Variants in SPAG5 observed in about 807,000 individuals in gnomAD.
The protein encoded by SPAG5 is sperm associated antigen 5, also known as sperm-associated antigen 5.
Under a neutral mutation model 145.4 loss-of-function variants are expected in SPAG5, and 99 were observed. That is an observed-to-expected ratio of 0.68 (90% confidence interval 0.58 to 0.80). The LOEUF is 0.80. Among genes scored for constraint, SPAG5 ranks in the 30% least tolerant of loss-of-function variants. The pLI is 0.00. For synonymous variants in SPAG5, 477 were observed against 525.4 expected (o/e 0.91, Z 1.26); for missense variants, 1,192 against 1,416.0 (o/e 0.84, Z 2.54).
chr17:28,587,156 G>A (rs1351574476), intron 4 of SPAG5, among the ~76,000 whole-genome samples: 1 of 151,266 alleles, frequency 6.6e-6, no homozygotes, highest in Non-Finnish European at 1.5e-5. Flanking sequence ...ACTCATGCCT[G>A]TAATCCCAGC....
chr17:28,583,900 C>T lies in SPAG5; in HGVS notation c.2499G>A (p.Glu833=), dbSNP rs745850714. 6.2e-7 allele frequency: 1 copy of T among 1,614,196 alleles called. No individual in the cohort carries two copies. The highest frequency in any genetic ancestry group is 8.5e-7 in the Non-Finnish European group (1 of 1,180,026). ...TGAGGTTCTCACACTGCAAGCTGCG[C>T]TCCCGGAGCACTTCCAGTGTGGTTT... ...QLKTTLEVLR[E]RSLQCENLKD... is the part of the protein sequence containing the mutation. Residue 833 remains glutamate (E), a synonymous_variant, in exon 14 of 24, where the codon GAG becomes GAA. Coordinates refer to ENST00000321765, the MANE Select transcript of SPAG5 (RefSeq NM_006461.4).
At chr17:28,584,588 A>G in intron 11 of SPAG5, 64 bp downstream of exon 11, 1 of 1,600,212 alleles carries the variant, frequency 6.2e-7, no homozygotes, top group South Asian at 1.1e-5. Context: ...CTAGTGCCAC[A>G]CTCCAAGCCT....
At chr17:28,589,102 A>ATT (rs764519139) in intron 4 of SPAG5, among the ~76,000 whole-genome samples, 3 of 146,054 alleles carry the variant, frequency 2.1e-5, no homozygotes, top group Non-Finnish European at 4.5e-5. Context: ...ATTTAAAATA[A>ATT]TTTTTTTTTT....
chr17:28,590,944 G>A (rs1228027071), intron 4 of SPAG5, among the ~76,000 whole-genome samples: 1 of 151,454 alleles, frequency 6.6e-6, no homozygotes, highest in Admixed American at 6.6e-5. Flanking sequence ...TGCTTGAGGG[G>A]ACAGATACAG....
At position 28,598,559 on chromosome 17, in the gene SPAG5, G is replaced by C. The variant is rs1473193251; in HGVS notation, c.128C>G (p.Ser43Cys). 1.2e-6 allele frequency: 2 copies of C among 1,613,926 alleles called. No homozygotes were observed. Among genetic ancestry groups the C allele is most frequent in the Non-Finnish European group, 8.5e-7 (1 of 1,179,936 alleles). ...PGALTNSGKR[S>C]PACSSLTPSL... ...TGGGGTCAGCGAGGAGCAAGCGGGGGATCTTTTTCCAGAGTTGGTGAGGGC... is the reference window on the plus strand; with the variant it reads ...TGGGGTCAGCGAGGAGCAAGCGGGGCATCTTTTTCCAGAGTTGGTGAGGGC... The change falls in exon 2 of 24, where the codon TCC becomes TGC. Residue 43 changes from serine (S) to cysteine (C), a missense_variant. By Grantham distance (112) the Ser-to-Cys change is moderately radical. Coordinates refer to ENST00000321765, the MANE Select transcript of SPAG5 (RefSeq NM_006461.4).
At chr17:28,583,448 G>C in intron 15 of SPAG5, 63 bp downstream of exon 15, 1 of 1,480,802 alleles carries the variant, frequency 6.8e-7, no homozygotes, top group Non-Finnish European at 9.0e-7. Flanking sequence ...TAATGTTTTA[G>C]GAAGACTATC....
In SPAG5 at chr17:28,593,002, T is replaced by C. The variant is rs755012328; in HGVS notation, c.242A>G (p.Glu81Gly). ...CCACTTTGAGGAATGACTGAAATGT[T>C]CTGAAGATAAGTCTGTCCTCTTGTT... ...VNNKRTDLSS[E>G]HFSHSSKWLE... Residue 81 changes from glutamate to glycine, a missense_variant, in exon 3 of 24, where the codon GAA (glutamate) becomes GGA (glycine). By Grantham distance (98) the Glu-to-Gly change is moderately conservative. Coordinates refer to ENST00000321765, the MANE Select transcript of SPAG5 (RefSeq NM_006461.4). The C allele has an allele frequency of 6.2e-7, 1 of 1,614,232 alleles. No homozygotes were observed. The highest frequency in any genetic ancestry group is 1.6e-4 in the Middle Eastern group (1 of 6,062).
chr17:28,589,095 T>G (rs1301869449), intron 4 of SPAG5, among the ~76,000 whole-genome samples: 2 of 152,030 alleles, frequency 1.3e-5, no homozygotes, highest in Non-Finnish European at 2.9e-5. Flanking sequence ...ATTGACAATT[T>G]AAAATAATTT....
intron 5 of SPAG5, 54 bp from the exon 6 acceptor site, chr17:28,586,236 CAG>C (rs1443033151): frequency 1.8e-5 from 26 of 1,473,990 alleles, no homozygotes; most frequent in South Asian, 2.3e-5. Context: ...AAGCAGGAAA[CAG>C]GGGCACTGGG....
At position 28,592,912 on chromosome 17, in the gene SPAG5, G is replaced by T. The variant is rs771403009; in HGVS notation, c.332C>A (p.Thr111Asn). 6.2e-7 allele frequency: 1 copy of T among 1,614,088 alleles called. No individual in the cohort carries two copies. Among genetic ancestry groups the T allele is most frequent in the Non-Finnish European group, 8.5e-7 (1 of 1,180,040 alleles). The stretch of plus-strand genomic sequence containing the variant: ...TACTGCTTCCTCAGACGTTTTAGGA[G>T]TAGAGCTAATTTGGGGAATTGGATC... ...PLDPIPQISS[T>N]PKTSEEAVDP... Residue 111 changes from threonine (T) to asparagine (N), a missense_variant, in exon 3 of 24, where the codon ACT becomes AAT. Coordinates refer to ENST00000321765, the MANE Select transcript of SPAG5 (RefSeq NM_006461.4).
intron 12 of SPAG5, 32 bp from the exon 13 acceptor site, chr17:28,584,284 G>T (rs1567624113): frequency 1.2e-6 from 2 of 1,613,702 alleles, no homozygotes; most frequent in South Asian, 1.1e-5. Flanking sequence ...ATCCCATTTG[G>T]TCCTAAATCC....
chr17:28,579,698 A>G (rs2070537226), intron 17 of SPAG5, 53 bp downstream of exon 17: 37 of 1,559,164 alleles, frequency 2.4e-5, no homozygotes, highest in Non-Finnish European at 3.2e-5. Flanking sequence ...GTCTTTACTC[A>G]TCACCACCAG....
At chr17:28,593,953 G>A (rs1368766248) in intron 2 of SPAG5, among the ~76,000 whole-genome samples, 2 of 151,938 alleles carry the variant, frequency 1.3e-5, no homozygotes, top group Non-Finnish European at 2.9e-5. Context: ...TAGAATTACT[G>A]GCCTGGACAA....
In SPAG5 at chr17:28,583,652, G is replaced by C. The variant is rs1362070646; in HGVS notation, c.2547-3C>G. The C allele has an allele frequency of 6.3e-7, 1 of 1,597,008 alleles. No individual in the cohort carries two copies. Among genetic ancestry groups the C allele is most frequent in the Non-Finnish European group, 8.5e-7 (1 of 1,174,558 alleles). On this transcript the variant is annotated splice_polypyrimidine_tract_variant and splice_region_variant and intron_variant, in intron 14 of 23. Transcript: ENST00000321765. ...CTATGGTGCTGGCCAGTTTAGCCCTGAAATAAGGAACAGGGAAGATGACCA... is the reference window on the plus strand; with the variant it reads ...CTATGGTGCTGGCCAGTTTAGCCCTCAAATAAGGAACAGGGAAGATGACCA...
chr17:28,581,822 T>C (rs954302454), intron 15 of SPAG5, among the ~76,000 whole-genome samples: 4 of 152,168 alleles, frequency 2.6e-5, no homozygotes, highest in East Asian at 3.9e-4. Context: ...TTGTGGGGAA[T>C]TGAAGTGCTT....
chr17:28,597,092 A>G (rs2070670711), intron 2 of SPAG5, among the ~76,000 whole-genome samples: 1 of 150,636 alleles, frequency 6.6e-6, no homozygotes, highest in South Asian at 2.1e-4. Flanking sequence ...CATCTCAAAA[A>G]AAAATTAATT....
chr17:28,586,279 C>G (rs2070584993), intron 5 of SPAG5, 97 bp from the exon 6 acceptor site: 1 of 1,236,020 alleles, frequency 8.1e-7, no homozygotes, highest in Non-Finnish European at 1.2e-6. Flanking sequence ...ATTCCAAGCT[C>G]CGCATAAGGA....
At position 28,586,082 on chromosome 17, in the gene SPAG5, C is replaced by T; in HGVS notation, c.1605+8G>A. ...ACAGGCCTCCACCTCCATCTTCAGG[C>T]TGCTTACCTCCTGACTCACAGTAGT... On this transcript the variant is annotated splice_region_variant and intron_variant, in intron 6 of 23. Transcript: ENST00000321765. 6.2e-7 allele frequency: 1 copy of T among 1,613,494 alleles called. No homozygotes were observed. The highest frequency in any genetic ancestry group is 8.5e-7 in the Non-Finnish European group (1 of 1,179,368).
At chr17:28,584,894 A>C in intron 10 of SPAG5, 149 bp from the exon 11 acceptor site, 1 of 787,300 alleles carries the variant, frequency 1.3e-6, no homozygotes, top group Non-Finnish European at 2.1e-6. Flanking sequence ...CTCAGGAAAA[A>C]GTAGAGACAG....
Sources: allele counts gnomAD v4.1 joint callset (sites outside exome capture counted in the v4.1 genomes callset), GRCh38; gene constraint gnomAD v4.1.1; transcripts MANE v1.5; gene names NCBI Gene and HGNC (gene_info 2026-07-23, HGNC 2026-07-21).